CASQ1: variants seen among roughly 807,000 people sequenced by gnomAD.
The protein encoded by CASQ1 is calsequestrin-1.
CASQ1 carries 40 observed loss-of-function variants against 49.5 expected under a neutral mutation model. That is an observed-to-expected ratio of 0.81 (90% confidence interval 0.63 to 1.05). The LOEUF (loss-of-function observed/expected upper bound fraction) is 1.05, where lower values mean the gene tolerates loss of function less well. CASQ1 is among the 50% of genes least tolerant of loss of function. The pLI, the probability that CASQ1 is intolerant of heterozygous loss-of-function variation, is 0.00. For missense variants in CASQ1, 469 were observed against 486.9 expected, an observed-to-expected ratio of 0.96 and a Z score of 0.35; for synonymous variants, 174 against 187.2, an observed-to-expected ratio of 0.93 and a Z score of 0.58.
At chr1:160,200,045 C>A in intron 10 of CASQ1, 120 bp downstream of exon 10, 1 of 721,862 alleles carries the variant, frequency 1.4e-6, no homozygotes, top group Non-Finnish European at 2.6e-6. Flanking sequence ...CATGCCCAGT[C>A]TAGTGGCTGG....
At chr1:160,196,160 C>T in intron 6 of CASQ1, 133 bp downstream of exon 6, 2 of 772,908 alleles carry the variant, frequency 2.6e-6, no homozygotes, top group African/African-American at 1.7e-5. Flanking sequence ...ACTTTGGGCA[C>T]CAGTGCTCTC....
In CASQ1 at chr1:160,199,041, T is replaced by C; in HGVS notation, c.972T>C (p.Asp324=). ...PDLSIIWIDP[D]DFPLLVPYWE... ...TTAGCATCATCTGGATTGACCCTGA[T>C]GACTTCCCCCTGGTAAGAGGCACAG... The change falls in exon 9 of 11, where the codon GAT becomes GAC. Residue 324 remains aspartate, a synonymous_variant. Transcript: ENST00000368078. 6.2e-7 allele frequency: 1 copy of C among 1,603,706 alleles called. No individual in the cohort carries two copies. Among genetic ancestry groups the C allele is most frequent in the South Asian group, 1.1e-5 (1 of 90,884 alleles).
rs190105823 is a variant in CASQ1 at position 160,198,702 on chromosome 1, T to C, written c.854T>C (p.Ile285Thr). Residue 285 changes from isoleucine (I) to threonine (T), a missense_variant, in exon 8 of 11, where the codon ATT (isoleucine) becomes ACT (threonine). By Grantham distance (89) the Ile-to-Thr change is moderately conservative. Coordinates refer to ENST00000368078, the MANE Select transcript of CASQ1 (RefSeq NM_001231.5). Reference protein sequence around the residue: ...TWEDDMDGIHIVAFAEEADPD... With the variant: ...TWEDDMDGIHTVAFAEEADPD... ...GAGGATGATATGGATGGAATCCACA[T>C]TGTGGCCTTCGCAGAGGAAGCTGAT... 48 of 1,613,826 alleles carry C rather than the reference T, an allele frequency of 3.0e-5. No individual in the cohort carries two copies. Among genetic ancestry groups the C allele is most frequent in the African/African-American group, 6.7e-5 (5 of 75,016 alleles).
intron 5 of CASQ1, 34 bp downstream of exon 5, chr1:160,195,568 C>G: frequency 6.3e-7 from 1 of 1,593,440 alleles, no homozygotes; most frequent in Admixed American, 1.7e-5. Flanking sequence ...GGTTCTGCCT[C>G]ATGTCCTGAA....
Position 160,190,789 on chromosome 1 carries a change from C to T in CASQ1, c.38C>T (p.Pro13Leu), listed in dbSNP as rs539542291. The T allele has an allele frequency of 3.3e-5, 54 of 1,614,114 alleles. No homozygotes were observed. The South Asian group carries it at 4.8e-4, about 14-fold the overall frequency. ...GACAGGATGGGGCCCAGAGCTGTGC[C>T]GGGTCTGCGGCTGGCACTGCTGTTG... Reference protein sequence around the residue: ...ATDRMGPRAVPGLRLALLLLL... With the variant: ...ATDRMGPRAVLGLRLALLLLL... Residue 13 changes from proline to leucine, a missense_variant, in exon 1 of 11, where the codon CCG becomes CTG. By Grantham distance (98) the Pro-to-Leu change is moderately conservative. Coordinates refer to ENST00000368078, the MANE Select transcript of CASQ1 (RefSeq NM_001231.5).
Position 160,201,737 on chromosome 1 carries a change from A to C in CASQ1, c.*361A>C. 2.9e-5 allele frequency: 8 copies of C among 274,290 alleles called. No individual in the cohort carries two copies. The highest frequency in any genetic ancestry group is 8.0e-5 in the East Asian group (1 of 12,446). The allele number at this position is 274,290 out of a possible 1,614,324, so 17.0% of individuals were successfully genotyped here. On this transcript the variant is annotated 3_prime_UTR_variant, in exon 11 of 11. Coordinates refer to ENST00000368078, the MANE Select transcript of CASQ1 (RefSeq NM_001231.5). ...CTCCATCTATGCACAGCTTTCCCCC[A>C]CTCTCTCTAATCCTGTATCTTTCTG...
At chr1:160,197,994 G>C (rs187173536) in intron 7 of CASQ1, among the ~76,000 whole-genome samples, 34 of 152,102 alleles carry the variant, frequency 2.2e-4, no homozygotes, top group African/African-American at 8.0e-4. Context: ...CTGGGGGACA[G>C]AGTGAGACTC....
intron 9 of CASQ1, among the ~76,000 whole-genome samples, chr1:160,199,490 C>G (rs747798913): frequency 1.3e-5 from 2 of 152,168 alleles, no homozygotes; most frequent in Non-Finnish European, 2.9e-5. Flanking sequence ...GAAACATTGG[C>G]ACTTACCAGG....
At position 160,197,656 on chromosome 1, in the gene CASQ1, G is replaced by A. The variant is rs1312198060; in HGVS notation, c.828+42G>A. On this transcript the variant is annotated intron_variant, in intron 7 of 10. Transcript: ENST00000368078. ...AGGGTCAAGCCCTCAGGGAAGCATG[G>A]GTGCCAGAAGACTCAAGTCCTAGAA... is the stretch of plus-strand genomic sequence containing the variant. 10 of 1,397,190 alleles carry A rather than the reference G, an allele frequency of 7.2e-6. No homozygotes were observed. In the African/African-American group the frequency reaches 1.4e-4, roughly 20 times the overall value. The allele number at this position is 1,397,190 out of a possible 1,614,324, so 86.5% of individuals were successfully genotyped here. A position where few individuals can be genotyped will look rare whatever the true frequency, so the allele number is the denominator to read the frequency against.
rs1557815019 is a variant in CASQ1, at chr1:160,195,626, T to A, written c.651+92T>A. 12 of 1,197,922 alleles carry A rather than the reference T, an allele frequency of 1.0e-5. No individual in the cohort carries two copies. The East Asian group carries it at 2.4e-4, about 24-fold the overall frequency. 74.2% of individuals were successfully genotyped at this position (1,197,922 alleles called of 1,614,324 possible). A position where few individuals can be genotyped will look rare whatever the true frequency, so the allele number is the denominator to read the frequency against. On this transcript the variant is annotated intron_variant, in intron 5 of 10. Coordinates refer to ENST00000368078, the MANE Select transcript of CASQ1 (RefSeq NM_001231.5). Reference sequence around the variant, plus strand: ...CAGAATCGATGGCTGACCTGGTCCCTTCCTACGTGCTGGCACTCCCTACCT... The same window carrying A: ...CAGAATCGATGGCTGACCTGGTCCCATCCTACGTGCTGGCACTCCCTACCT...
At chr1:160,195,244 GC>G in intron 4 of CASQ1, 121 bp downstream of exon 4, 2 of 742,142 alleles carry the variant, frequency 2.7e-6, no homozygotes, top group Non-Finnish European at 4.5e-6. Context: ...TCTTCCTCCA[GC>G]CGTGGTCAGC....
intron 1 of CASQ1, among the ~76,000 whole-genome samples, chr1:160,191,612 C>T (rs1483250089): frequency 3.3e-5 from 5 of 152,182 alleles, no homozygotes; most frequent in Non-Finnish European, 7.4e-5. Flanking sequence ...AAGCTGGATG[C>T]CCTCACTGGA....
intron 1 of CASQ1, among the ~76,000 whole-genome samples, chr1:160,192,301 C>G (rs1654096923): frequency 1.3e-5 from 2 of 152,184 alleles, no homozygotes; most frequent in Non-Finnish European, 2.9e-5. Flanking sequence ...CCCAACTCCT[C>G]AACAACATGA....
At chr1:160,194,744 A>T (rs370877396) in intron 3 of CASQ1, among the ~76,000 whole-genome samples, 327 of 149,146 alleles carry the variant, frequency 2.2e-3, no homozygotes, top group African/African-American at 7.7e-3. Context: ...CACTCATACC[A>T]TCCACACACA....
intron 9 of CASQ1, among the ~76,000 whole-genome samples, 169 bp downstream of exon 9, chr1:160,199,222 T>G (rs1654315097): frequency 6.6e-6 from 1 of 152,134 alleles, no homozygotes; most frequent in Non-Finnish European, 1.5e-5. Context: ...GAGGGCATCC[T>G]GAGCAAGGGG....
chr1:160,195,814 TA>T, intron 5 of CASQ1, 82 bp from the exon 6 acceptor site: 1 of 1,431,358 alleles, frequency 7.0e-7, no homozygotes, highest in Non-Finnish European at 9.6e-7. Flanking sequence ...ACTCCCTTCC[TA>T]ATATTTGTTC....
chr1:160,193,788 G>A lies in CASQ1; in HGVS notation c.406G>A (p.Glu136Lys). The change falls in exon 3 of 11, where the codon GAA (glutamate) becomes AAA (lysine). Residue 136 changes from glutamate (E) to lysine (K), a missense_variant. Glu to Lys is a moderately conservative substitution (Grantham distance 56). Transcript: ENST00000368078. ...CAGCATGTATGTATTCAAGGGAGATGAAGTCATTGAGTACGATGGCGAGTT... is the reference window on the plus strand; with the variant it reads ...CAGCATGTATGTATTCAAGGGAGATAAAGTCATTGAGTACGATGGCGAGTT... ...VDSMYVFKGD[E>K]VIEYDGEFSA... The A allele has an allele frequency of 6.2e-7, 1 of 1,613,022 alleles. No homozygotes were observed. Among genetic ancestry groups the A allele is most frequent in the Non-Finnish European group, 8.5e-7 (1 of 1,179,314 alleles).
chr1:160,195,320 C>T, intron 4 of CASQ1, 141 bp from the exon 5 acceptor site: 3 of 822,128 alleles, frequency 3.6e-6, no homozygotes, highest in Non-Finnish European at 4.0e-6. Context: ...CAGTATTCCA[C>T]CTTCCCCTCA....
In CASQ1 at chr1:160,190,630, G is replaced by A; in HGVS notation, c.-122G>A. 1.1e-6 allele frequency: 1 copy of A among 908,462 alleles called. No homozygotes were observed. Among genetic ancestry groups the A allele is most frequent in the East Asian group, 2.6e-5 (1 of 37,854 alleles). The allele number at this position is 908,462 out of a possible 1,614,324, so 56.3% of individuals were successfully genotyped here. A position where few individuals can be genotyped will look rare whatever the true frequency, so the allele number is the denominator to read the frequency against. On this transcript the variant is annotated 5_prime_UTR_variant, in exon 1 of 11. Coordinates refer to ENST00000368078, the MANE Select transcript of CASQ1 (RefSeq NM_001231.5). ...CAGTGCCCTCTGTCCACTGCTCTGG[G>A]CCATTCCCCAATCCCCCCTCCCACT... is the stretch of plus-strand genomic sequence containing the variant.
Sources: allele counts gnomAD v4.1 joint callset (sites outside exome capture counted in the v4.1 genomes callset), GRCh38; gene constraint gnomAD v4.1.1; transcripts MANE v1.5; gene names NCBI Gene and HGNC (gene_info 2026-07-23, HGNC 2026-07-21).